Variants in FBLN5 observed in about 807,000 individuals in gnomAD.
The protein encoded by FBLN5 is fibulin 5, also known as fibulin-5.
In FBLN5, 24 loss-of-function variants were observed where a neutral mutation model predicts 61.6. That is an observed-to-expected ratio of 0.39 (90% CI 0.28 to 0.55). The LOEUF is 0.55. Ranked by LOEUF, FBLN5 falls within the 20% of genes least tolerant of loss-of-function variation. The pLI, the probability that FBLN5 is intolerant of heterozygous loss-of-function variation, is 0.65. For missense variants in FBLN5, 470 were observed against 594.1 expected, an observed-to-expected ratio of 0.79 and a Z score of 2.17; for synonymous variants, 213 against 219.8, an observed-to-expected ratio of 0.97 and a Z score of 0.27.
chr14:91,908,503 C>T (rs184133706), intron 4 of FBLN5, among the ~76,000 whole-genome samples: 2 of 152,288 alleles, frequency 1.3e-5, no homozygotes, highest in East Asian at 1.9e-4. Flanking sequence ...AACTCAAGGC[C>T]GCCTATTTGA....
intron 10 of FBLN5, among the ~76,000 whole-genome samples, chr14:91,873,333 C>T (rs1168836498): frequency 6.6e-6 from 1 of 152,232 alleles, no homozygotes; most frequent in African/African-American, 2.4e-5. Flanking sequence ...ACAACCTTTC[C>T]TACACCTCTT....
chr14:91,910,248 T>G (rs1342479054), intron 4 of FBLN5, among the ~76,000 whole-genome samples: 1 of 152,170 alleles, frequency 6.6e-6, no homozygotes, highest in Non-Finnish European at 1.5e-5. Context: ...TTGGGGACAG[T>G]ATGCTAAGTG....
intron 10 of FBLN5, among the ~76,000 whole-genome samples, chr14:91,875,193 A>G (rs573806037): frequency 3.9e-5 from 6 of 152,202 alleles, no homozygotes; most frequent in African/African-American, 1.4e-4. Context: ...TTTTCAAAAA[A>G]AGAAAAACTG....
At chr14:91,884,084 A>G (rs1889614490) in intron 7 of FBLN5, among the ~76,000 whole-genome samples, 1 of 152,176 alleles carries the variant, frequency 6.6e-6, no homozygotes, top group Non-Finnish European at 1.5e-5. Context: ...CTCACAGACC[A>G]CTGGTGGCTG....
rs149370946 is a variant in FBLN5 at position 91,942,115 on chromosome 14, C to T, written c.72+792G>A. ...GAGCCAGAGACACAGAGAGGCCACT[C>T]GGAGTTTTCAGGAGGGATCTGCCCA... is the stretch of plus-strand genomic sequence containing the variant. On this transcript the variant is annotated intron_variant, in intron 2 of 10. Coordinates refer to ENST00000342058, the MANE Select transcript of FBLN5 (RefSeq NM_006329.4). 833 of 455,916 alleles carry T rather than the reference C, an allele frequency of 1.8e-3. 7 individuals carry two copies. Among genetic ancestry groups the T allele is most frequent in the South Asian group, 6.1e-3 (396 of 64,544 alleles). 28.2% of individuals were successfully genotyped at this position (455,916 alleles called of 1,614,324 possible). A position where few individuals can be genotyped will look rare whatever the true frequency, so the allele number is the denominator to read the frequency against.
Position 91,881,293 on chromosome 14 carries a change from T to C in FBLN5, c.988A>G (p.Asn330Asp). ...CCCCAGGGGGACGCCGTGACTTACTTATCACTGATCCTCAGATAAGGCTCC... is the reference window on the plus strand; with the variant it reads ...CCCCAGGGGGACGCCGTGACTTACTCATCACTGATCCTCAGATAAGGCTCC... ...CEEPYLRISD[N>D]RCMCPAENPG... Residue 330 changes from asparagine to aspartate, a missense_variant and splice_region_variant, in exon 9 of 11, where the codon AAC becomes GAC. Physicochemically the swap from Asn to Asp is conservative, Grantham distance 23. Transcript: ENST00000342058. 6.2e-7 allele frequency: 1 copy of C among 1,614,100 alleles called. No individual in the cohort carries two copies. Among genetic ancestry groups the C allele is most frequent in the East Asian group, 2.2e-5 (1 of 44,884 alleles).
chr14:91,926,261 T>C (rs1158255125), intron 4 of FBLN5, among the ~76,000 whole-genome samples: 1 of 152,160 alleles, frequency 6.6e-6, no homozygotes, highest in Non-Finnish European at 1.5e-5. Flanking sequence ...TGGGAAGCCC[T>C]GGCCTCTGTG....
chr14:91,904,468 A>C, intron 4 of FBLN5, among the ~76,000 whole-genome samples: 1 of 152,226 alleles, frequency 6.6e-6, no homozygotes, highest in South Asian at 2.1e-4. Flanking sequence ...CCCAGGGCTG[A>C]TTTGAAAGCA....
chr14:91,911,152 T>A (rs1890912048), intron 4 of FBLN5, among the ~76,000 whole-genome samples: 1 of 152,020 alleles, frequency 6.6e-6, no homozygotes, highest in South Asian at 2.1e-4. Context: ...CCCAGCTAAT[T>A]TTTGTATTTT....
At chr14:91,890,746 G>A (rs1466240100) in intron 6 of FBLN5, among the ~76,000 whole-genome samples, 1 of 152,168 alleles carries the variant, frequency 6.6e-6, no homozygotes, top group Non-Finnish European at 1.5e-5. Context: ...GGCACAGGTT[G>A]GAGGGAAAAG....
chr14:91,888,644 A>C (rs1190797951), intron 6 of FBLN5, among the ~76,000 whole-genome samples: 1 of 148,880 alleles, frequency 6.7e-6, no homozygotes, highest in Non-Finnish European at 1.5e-5. Context: ...ATATATATAC[A>C]CACACACACA....
At chr14:91,870,697 T>C (rs1888882207) in intron 10 of FBLN5, among the ~76,000 whole-genome samples, 2 of 152,250 alleles carry the variant, frequency 1.3e-5, no homozygotes, top group Non-Finnish European at 2.9e-5. Context: ...CCATGTATGA[T>C]TGTCCATACT....
chr14:91,945,726 A>G (rs371160251), intron 1 of FBLN5, among the ~76,000 whole-genome samples: 60 of 152,290 alleles, frequency 3.9e-4, no homozygotes, highest in African/African-American at 1.4e-3. Context: ...TCCTTTATCG[A>G]GTCCCCAATC....
At chr14:91,927,949 C>G (rs902302506) in intron 4 of FBLN5, among the ~76,000 whole-genome samples, 1 of 152,270 alleles carries the variant, frequency 6.6e-6, no homozygotes. Flanking sequence ...GACTGCCACG[C>G]TAGACACTGG....
chr14:91,944,149 G>A (rs1275031720), intron 1 of FBLN5, among the ~76,000 whole-genome samples: 2 of 152,142 alleles, frequency 1.3e-5, no homozygotes, highest in African/African-American at 4.8e-5. Flanking sequence ...GGCCAACATG[G>A]TGAAACCTTG....
chr14:91,935,123 G>T (rs1043447875), intron 4 of FBLN5, among the ~76,000 whole-genome samples: 1 of 152,180 alleles, frequency 6.6e-6, no homozygotes, highest in Admixed American at 6.5e-5. Context: ...CTTACAAAAG[G>T]GCCATTATGA....
chr14:91,947,237 A>G lies in FBLN5; in HGVS notation c.-8T>C, dbSNP rs770198058. The G allele has an allele frequency of 2.9e-5, 47 of 1,613,978 alleles. No homozygotes were observed. The highest frequency in any genetic ancestry group is 3.2e-5 in the Non-Finnish European group (38 of 1,180,010). The stretch of plus-strand genomic sequence containing the variant: ...CCTTTTTATTCCTGGCATGTCCAAG[A>G]CGCGCGAGGAGGAGATGCGAAGGCG... On this transcript the variant is annotated 5_prime_UTR_variant, in exon 1 of 11. Coordinates refer to ENST00000342058, the MANE Select transcript of FBLN5 (RefSeq NM_006329.4). This position sits in a 1 kb window ranked among gnomAD's most constrained non-coding sequence, Gnocchi z 4.3.
intron 4 of FBLN5, among the ~76,000 whole-genome samples, chr14:91,930,069 G>A (rs757764105): frequency 7.2e-5 from 11 of 152,120 alleles, no homozygotes; most frequent in Non-Finnish European, 1.6e-4. Context: ...CCAGAAGAAA[G>A]AATAAAAAAT....
intron 4 of FBLN5, among the ~76,000 whole-genome samples, chr14:91,913,367 G>A (rs1057418990): frequency 1.3e-5 from 2 of 152,172 alleles, no homozygotes; most frequent in African/African-American, 4.8e-5. Flanking sequence ...TACTATTAAA[G>A]AAGAAATGCA....
Sources: gnomAD v4.1 joint callset for allele counts (sites outside exome capture counted in the v4.1 genomes callset) on GRCh38, gnomAD v4.1.1 for gene constraint, Gnocchi (gnomAD v3.1) non-coding constraint, MANE v1.5 for transcripts, NCBI Gene and HGNC (gene_info 2026-07-23, HGNC 2026-07-21) for gene names.